Variants in ALOX12B observed in about 807,000 individuals in gnomAD.
ALOX12B encodes the protein arachidonate 12-lipoxygenase, 12R-type.
Under a neutral mutation model 78.9 loss-of-function variants are expected in ALOX12B, and 47 were observed. The observed-to-expected ratio is 0.60, with a 90% CI of 0.47 to 0.76. The LOEUF is 0.76. Among genes scored for constraint, ALOX12B ranks in the 30% least tolerant of loss-of-function variants. The pLI is 0.00. For synonymous variants in ALOX12B, 370 were observed against 374.5 expected (o/e 0.99, Z 0.14); for missense variants, 805 against 922.6 (o/e 0.87, Z 1.65).
At chr17:8,086,729 G>T (rs1479958492) in intron 1 of ALOX12B, among the ~76,000 whole-genome samples, 1 of 152,210 alleles carries the variant, frequency 6.6e-6, no homozygotes, top group Non-Finnish European at 1.5e-5. Context: ...CACTGGACAG[G>T]CTGGTCTGAT....
Position 8,079,525 on chromosome 17 carries a change from G to GTAAA in ALOX12B, c.938_941dup (p.Ala316ProfsTer59), listed in dbSNP as rs1977160664. The GTAAA allele has an allele frequency of 6.4e-7, 1 of 1,550,778 alleles. No homozygotes were observed. ...CCTCCATGATGCGGTAGTCGGCCAG[G>GTAAA]TAAATGTTCCCCTTCTGGAGGGGAG... On this transcript the variant is annotated frameshift_variant, in exon 8 of 15. Transcript: ENST00000647874. LOFTEE classifies it high-confidence loss of function. This position sits in a 1 kb window ranked among gnomAD's most constrained non-coding sequence, Gnocchi z 6.4.
At chr17:8,076,630 C>T (rs1372116690) in intron 10 of ALOX12B, 27 bp downstream of exon 10, 16 of 1,544,588 alleles carry the variant, frequency 1.0e-5, no homozygotes, top group Admixed American at 5.9e-5. Context: ...ACAAATGTCT[C>T]GTTGGGGTTG....
Position 8,080,454 on chromosome 17 carries a change from CA to C in ALOX12B, c.651-117del. On this transcript the variant is annotated intron_variant, in intron 5 of 14. Transcript: ENST00000647874. The surrounding 1 kb of genome is among the most constrained non-coding windows in gnomAD (Gnocchi z 4.8). ...TCTGGGTCTCAGGGTCTGTGCGTCG[CA>C]AAGTCTCTGGGTCCCATGTCTCAAG... 7.1e-7 allele frequency: 1 copy of C among 1,416,518 alleles called. No homozygotes were observed. The highest frequency in any genetic ancestry group is 1.8e-4 in the Middle Eastern group (1 of 5,682). 87.7% of individuals were successfully genotyped at this position (1,416,518 alleles called of 1,614,324 possible).
intron 2 of ALOX12B, among the ~76,000 whole-genome samples, chr17:8,082,494 G>A (rs1323666153): frequency 6.6e-6 from 1 of 152,178 alleles, no homozygotes; most frequent in Non-Finnish European, 1.5e-5. Context: ...CCTGGAAGGT[G>A]GACAGACGCG....
intron 10 of ALOX12B, 62 bp downstream of exon 10, chr17:8,076,595 A>G: frequency 6.6e-7 from 1 of 1,506,184 alleles, no homozygotes; most frequent in Non-Finnish European, 9.0e-7. Context: ...CCTCCTCTTC[A>G]TCTAACTGAA....
At chr17:8,084,750 C>T (rs973486785) in intron 2 of ALOX12B, among the ~76,000 whole-genome samples, 3 of 152,184 alleles carry the variant, frequency 2.0e-5, no homozygotes, top group South Asian at 2.1e-4. Context: ...GATGGGGCTT[C>T]GGGCCCTGGG....
chr17:8,076,458 C>A, intron 10 of ALOX12B, 114 bp from the exon 11 acceptor site: 1 of 1,375,132 alleles, frequency 7.3e-7, no homozygotes, highest in Non-Finnish European at 1.0e-6. Context: ...ACCCCACCTC[C>A]AGGAACAATC....
rs1481917000 is a variant in ALOX12B, at chr17:8,080,259, G to A, written c.730C>T (p.Pro244Ser). ...KRLKDIRKIFPGKKSVVSEYV... is the reference protein window; with the variant it reads ...KRLKDIRKIFSGKKSVVSEYV... ...CCGGAGACGACAGATTTCTTGCCAG[G>A]GAAAATTTTCCTAATGTCCTTCAGC... Residue 244 changes from proline (P) to serine (S), a missense_variant, in exon 6 of 15, where the codon CCT becomes TCT. By Grantham distance (74) the Pro-to-Ser change is moderately conservative. Coordinates refer to ENST00000647874, the MANE Select transcript of ALOX12B (RefSeq NM_001139.3). The surrounding 1 kb of genome is among the most constrained non-coding windows in gnomAD (Gnocchi z 4.8). 6.2e-7 allele frequency: 1 copy of A among 1,614,212 alleles called. No homozygotes were observed. The highest frequency in any genetic ancestry group is 8.5e-7 in the Non-Finnish European group (1 of 1,180,034).
rs766514847 is a variant in ALOX12B, at chr17:8,079,352, C to T, written c.1071+44G>A. ...GCGCGCACACTCGGAGGAGCATTCG[C>T]GCACACAGAGGCTCAGCGGCAGCGC... On this transcript the variant is annotated intron_variant, in intron 8 of 14. Coordinates refer to ENST00000647874, the MANE Select transcript of ALOX12B (RefSeq NM_001139.3). The surrounding 1 kb of genome is among the most constrained non-coding windows in gnomAD (Gnocchi z 6.4). The T allele has an allele frequency of 3.3e-5, 51 of 1,548,850 alleles. No individual in the cohort carries two copies. Among genetic ancestry groups the T allele is most frequent in the Non-Finnish European group, 4.0e-5 (46 of 1,146,744 alleles).
intron 9 of ALOX12B, 115 bp from the exon 10 acceptor site, chr17:8,076,858 C>T: frequency 6.9e-7 from 1 of 1,445,640 alleles, no homozygotes; most frequent in Non-Finnish European, 9.5e-7. Flanking sequence ...CTATGCCAAG[C>T]CCTCTCTTGT....
chr17:8,079,578 C>T lies in ALOX12B; in HGVS notation c.928-39G>A. The T allele has an allele frequency of 6.5e-7, 1 of 1,548,264 alleles. No individual in the cohort carries two copies. Among genetic ancestry groups the T allele is most frequent in the Non-Finnish European group, 8.7e-7 (1 of 1,145,926 alleles). On this transcript the variant is annotated intron_variant, in intron 7 of 14. Transcript: ENST00000647874. The surrounding 1 kb of genome is among the most constrained non-coding windows in gnomAD (Gnocchi z 6.4). Reference sequence around the variant, plus strand: ...GCGATGGGTGGCAAGTAGGCACCCACACGGGAAGCCCGTGACCCGCGCCGC... The same window carrying T: ...GCGATGGGTGGCAAGTAGGCACCCATACGGGAAGCCCGTGACCCGCGCCGC...
At position 8,072,832 on chromosome 17, in the gene ALOX12B, C is replaced by T. The variant is rs759885347; in HGVS notation, c.2045G>A (p.Cys682Tyr). The stretch of plus-strand genomic sequence containing the variant: ...CAGGTAGTAGTAGGGGATGGGAAGG[C>T]ACTTGTTGCGCTGGCGGATGTCGTG... ...ISHDIRQRNK[C>Y]LPIPYYYLDP... is the part of the protein sequence containing the mutation. The change falls in exon 15 of 15, where the codon TGC becomes TAC. Residue 682 changes from cysteine (C) to tyrosine (Y), a missense_variant. Physicochemically the swap from Cys to Tyr is radical, Grantham distance 194. Transcript: ENST00000647874. 3.1e-6 allele frequency: 5 copies of T among 1,614,104 alleles called. No individual in the cohort carries two copies. The Admixed American group carries it at 6.7e-5, about 22-fold the overall frequency.
intron 3 of ALOX12B, 33 bp downstream of exon 3, chr17:8,081,073 C>G (rs773879194): frequency 6.2e-7 from 1 of 1,613,270 alleles, no homozygotes; most frequent in Non-Finnish European, 8.5e-7. Flanking sequence ...GGACCCCTGC[C>G]GGGCGCCCAG....
rs908020445 is a variant in ALOX12B at position 8,080,360 on chromosome 17, A to G, written c.651-22T>C. The G allele has an allele frequency of 1.2e-6, 2 of 1,612,192 alleles. No individual in the cohort carries two copies. Among genetic ancestry groups the G allele is most frequent in the African/African-American group, 1.3e-5 (1 of 74,902 alleles). On this transcript the variant is annotated intron_variant, in intron 5 of 14. Coordinates refer to ENST00000647874, the MANE Select transcript of ALOX12B (RefSeq NM_001139.3). This position sits in a 1 kb window ranked among gnomAD's most constrained non-coding sequence, Gnocchi z 4.8. ...TGCCCTAGGAGATGGGATTCCAGGA[A>G]GAGGCCTTCAGAGGGGCTGCCAAGC...
intron 1 of ALOX12B, 93 bp from the exon 2 acceptor site, chr17:8,086,313 T>C (rs1362856234): frequency 4.1e-6 from 5 of 1,230,878 alleles, no homozygotes; most frequent in Admixed American, 1.9e-5. Flanking sequence ...GCCCTGCTCA[T>C]GCTGCGCAAT....
rs745915626 is a variant in ALOX12B, at chr17:8,087,369, G to T, written c.74C>A (p.Thr25Asn). Residue 25 changes from threonine (T) to asparagine (N), a missense_variant, in exon 1 of 15, where the codon ACC becomes AAC. Transcript: ENST00000647874. ...GCTCTCTCCTTGTGTCCCCACAATGGTCAGTGAGATGGAGTCCCGTGTTCC... is the reference window on the plus strand; with the variant it reads ...GCTCTCTCCTTGTGTCCCCACAATGTTCAGTGAGATGGAGTCCCGTGTTCC... Reference protein sequence around the residue: ...LSGTRDSISLTIVGTQGESHK... With the variant: ...LSGTRDSISLNIVGTQGESHK... 37 of 1,614,204 alleles carry T rather than the reference G, an allele frequency of 2.3e-5. No individual in the cohort carries two copies. Among genetic ancestry groups the T allele is most frequent in the Non-Finnish European group, 3.0e-5 (35 of 1,180,038 alleles).
chr17:8,080,202 C>T lies in ALOX12B; in HGVS notation c.754+33G>A, dbSNP rs757755065. 1 of 1,606,458 alleles carries T rather than the reference C, an allele frequency of 6.2e-7. No individual in the cohort carries two copies. The highest frequency in any genetic ancestry group is 1.1e-5 in the South Asian group (1 of 90,910). ...TAGCACGCCGGAGACCGCCTGGCTC[C>T]CCCTGCTCGATCCGGGACGCCCCAT... On this transcript the variant is annotated intron_variant, in intron 6 of 14. Transcript: ENST00000647874. This position sits in a 1 kb window ranked among gnomAD's most constrained non-coding sequence, Gnocchi z 4.8.
rs112884117 is a variant in ALOX12B, at chr17:8,087,235, CAG to C, written c.147+59_147+60del. On this transcript the variant is annotated intron_variant, in intron 1 of 14. Coordinates refer to ENST00000647874, the MANE Select transcript of ALOX12B (RefSeq NM_001139.3). ...ACACACAGACACACACAGACACACA[CAG>C]ACACACACACACACACACACAGACA... The C allele has an allele frequency of 0.17, 144,529 of 847,896 alleles. 14,828 individuals carry two copies. The highest frequency in any genetic ancestry group is 0.27 in the Middle Eastern group (841 of 3,110). The allele number at this position is 847,896 out of a possible 1,614,324, so 52.5% of individuals were successfully genotyped here.
In ALOX12B at chr17:8,080,616, C is replaced by G. The variant is rs755299101; in HGVS notation, c.650+42G>C. Reference sequence around the variant, plus strand: ...CCAAGGTTGGGGGAGAGGGAAAGTTCTTGCAGGAGCCCTCGTTCTCCCGTC... The same window carrying G: ...CCAAGGTTGGGGGAGAGGGAAAGTTGTTGCAGGAGCCCTCGTTCTCCCGTC... On this transcript the variant is annotated intron_variant, in intron 5 of 14. Coordinates refer to ENST00000647874, the MANE Select transcript of ALOX12B (RefSeq NM_001139.3). The surrounding 1 kb of genome is among the most constrained non-coding windows in gnomAD (Gnocchi z 4.8). 5 of 1,613,580 alleles carry G rather than the reference C, an allele frequency of 3.1e-6. No individual in the cohort carries two copies. In the African/African-American group the frequency reaches 6.7e-5, roughly 22 times the overall value.
Sources: gnomAD v4.1 joint callset for allele counts (sites outside exome capture counted in the v4.1 genomes callset) on GRCh38, gnomAD v4.1.1 for gene constraint, Gnocchi (gnomAD v3.1) non-coding constraint, MANE v1.5 for transcripts, NCBI Gene and HGNC (gene_info 2026-07-23, HGNC 2026-07-21) for gene names.